Variants in RPS6KC1 observed in about 807,000 individuals in gnomAD.
RPS6KC1 encodes the protein ribosomal protein S6 kinase C1.
In RPS6KC1, 54 loss-of-function variants were observed where a neutral mutation model predicts 103.8. That is an observed-to-expected ratio of 0.52 (90% CI 0.42 to 0.65). RPS6KC1 has a LOEUF of 0.65. Ranked by LOEUF, RPS6KC1 falls within the 30% of genes least tolerant of loss-of-function variation. The probability of loss-of-function intolerance (pLI) is 0.00; values close to 1 mark genes in which losing one functional copy is unlikely to be tolerated. For missense variants in RPS6KC1, 1,151 were observed against 1,253.8 expected, an observed-to-expected ratio of 0.92 and a Z score of 1.24; for synonymous variants, 439 against 438.7, an observed-to-expected ratio of 1.00 and a Z score of -0.01.
the RPS6KC1 span, among the ~76,000 whole-genome samples, chr1:213,359,701 G>T: frequency 6.6e-6 from 1 of 152,274 alleles, no homozygotes; most frequent in South Asian, 2.1e-4. Flanking sequence ...GGTACCGGTT[G>T]TTCCTTTCCA....
chr1:213,540,397 G>A, the RPS6KC1 span, among the ~76,000 whole-genome samples: 477 of 152,310 alleles, frequency 3.1e-3, 2 homozygotes, highest in African/African-American at 0.011. Flanking sequence ...AGGCTGGAGT[G>A]CAGTGGTGTG....
At chr1:213,278,064 G>C (rs1355766276), downstream of RPS6KC1, among the ~76,000 whole-genome samples, 7 of 151,930 alleles carry the variant, frequency 4.6e-5, no homozygotes, top group Non-Finnish European at 1.0e-4. Flanking sequence ...ATTAGCTTGG[G>C]CACGGTGGCA....
At chr1:213,530,703 T>C in the RPS6KC1 span, among the ~76,000 whole-genome samples, 289 of 152,342 alleles carry the variant, frequency 1.9e-3, 1 homozygote, top group Middle Eastern at 0.031. Context: ...TGGCCAAACA[T>C]GAAGGGCAGA....
At chr1:213,448,153 G>A in the RPS6KC1 span, among the ~76,000 whole-genome samples, 1 of 137,898 alleles carries the variant, frequency 7.3e-6, no homozygotes, top group Non-Finnish European at 1.5e-5. Context: ...TGGGAGGATT[G>A]CTCCAGCCCA....
the RPS6KC1 span, among the ~76,000 whole-genome samples, chr1:213,707,485 C>G: frequency 6.6e-6 from 1 of 152,072 alleles, no homozygotes; most frequent in Non-Finnish European, 1.5e-5. Flanking sequence ...AATTTTCTCC[C>G]ATTCTGTAGG....
the RPS6KC1 span, among the ~76,000 whole-genome samples, chr1:213,678,944 C>A: frequency 8.5e-5 from 13 of 152,168 alleles, no homozygotes; most frequent in Non-Finnish European, 1.8e-4. Context: ...AACACTAGCA[C>A]AATTCCTGGC....
intron 7 of RPS6KC1, among the ~76,000 whole-genome samples, chr1:213,169,923 A>C (rs1379811931): frequency 6.6e-6 from 1 of 151,950 alleles, no homozygotes; most frequent in Admixed American, 6.6e-5. Flanking sequence ...CTGGGACTAC[A>C]GGCGCATGCC....
chr1:213,513,150 A>C, the RPS6KC1 span, among the ~76,000 whole-genome samples: 1 of 151,900 alleles, frequency 6.6e-6, no homozygotes, highest in Non-Finnish European at 1.5e-5. Context: ...AAGTGATGAG[A>C]CCTCCATGCT....
At chr1:213,068,887 G>C (rs1283591989) in intron 1 of RPS6KC1, among the ~76,000 whole-genome samples, 3 of 149,002 alleles carry the variant, frequency 2.0e-5, no homozygotes, top group African/African-American at 7.5e-5. Flanking sequence ...GTGTGTGTGT[G>C]TGTGTGTGTG....
At chr1:213,623,464 T>G in the RPS6KC1 span, among the ~76,000 whole-genome samples, 2 of 152,074 alleles carry the variant, frequency 1.3e-5, no homozygotes, top group Admixed American at 6.5e-5. Context: ...TAAAGAGAGA[T>G]AGCAATGTGT....
the RPS6KC1 span, among the ~76,000 whole-genome samples, chr1:213,495,817 A>G: frequency 6.6e-6 from 1 of 152,258 alleles, no homozygotes; most frequent in African/African-American, 2.4e-5. Context: ...TTTTAAATGC[A>G]TGATTGTAAA....
chr1:213,087,443 G>A (rs558062853), intron 3 of RPS6KC1, among the ~76,000 whole-genome samples: 2 of 152,320 alleles, frequency 1.3e-5, no homozygotes, highest in Admixed American at 6.5e-5. Context: ...AAGAGGCTGT[G>A]CCAGTTATCC....
chr1:213,059,878 G>A (rs1484958078), intron 1 of RPS6KC1, among the ~76,000 whole-genome samples: 2 of 152,124 alleles, frequency 1.3e-5, no homozygotes, highest in African/African-American at 4.8e-5. Flanking sequence ...TCATCATGTT[G>A]ACCAGGATGG....
the RPS6KC1 span, among the ~76,000 whole-genome samples, chr1:213,478,864 C>T: frequency 1.3e-5 from 2 of 151,980 alleles, no homozygotes; most frequent in African/African-American, 4.8e-5. Context: ...TTCTGTAGTC[C>T]AATTCCCTTC....
chr1:213,638,441 G>A, the RPS6KC1 span, among the ~76,000 whole-genome samples: 2 of 151,844 alleles, frequency 1.3e-5, no homozygotes, highest in Non-Finnish European at 2.9e-5. Context: ...CATAATTCAG[G>A]TCGTGAAGAT....
At chr1:213,136,964 G>A (rs1327767637) in intron 6 of RPS6KC1, among the ~76,000 whole-genome samples, 1 of 152,196 alleles carries the variant, frequency 6.6e-6, no homozygotes. Context: ...AAAAAGCCAG[G>A]ACTTCAGTGT....
At chr1:213,322,606 A>C in the RPS6KC1 span, among the ~76,000 whole-genome samples, 1 of 152,336 alleles carries the variant, frequency 6.6e-6, no homozygotes, top group African/African-American at 2.4e-5. Flanking sequence ...TCAAAGTCGT[A>C]AAATCAAGGT....
chr1:213,701,340 T>A, the RPS6KC1 span, among the ~76,000 whole-genome samples: 1 of 152,116 alleles, frequency 6.6e-6, no homozygotes, highest in African/African-American at 2.4e-5. Flanking sequence ...ATTCTGTTGA[T>A]ATGATGCATC....
the RPS6KC1 span, among the ~76,000 whole-genome samples, chr1:213,516,303 G>C: frequency 3.8e-3 from 573 of 152,090 alleles, 3 homozygotes; most frequent in African/African-American, 0.013. Flanking sequence ...TCCCTGTCTT[G>C]TGCCAGTTTT....
Sources: allele counts gnomAD v4.1 joint callset (sites outside exome capture counted in the v4.1 genomes callset), GRCh38; gene constraint gnomAD v4.1.1; transcripts MANE v1.5; gene names NCBI Gene and HGNC (gene_info 2026-07-23, HGNC 2026-07-21).